Variants in NOL10 observed in about 807,000 individuals in gnomAD.
NOL10 encodes nucleolar protein 10.
Under a neutral mutation model 103.5 loss-of-function variants are expected in NOL10, and 58 were observed. That is an observed-to-expected ratio of 0.56 (90% CI 0.45 to 0.70). The LOEUF is 0.70. NOL10 is among the 30% of genes least tolerant of loss of function. The pLI is 0.00. For missense variants in NOL10, 763 were observed against 807.3 expected (o/e 0.95, Z 0.67); for synonymous variants, 287 against 282.5 (o/e 1.02, Z -0.16).
chr2:10,611,172 A>C (rs1572285813), intron 13 of NOL10, among the ~76,000 whole-genome samples: 1 of 152,274 alleles, frequency 6.6e-6, no homozygotes, highest in East Asian at 1.9e-4. Context: ...AGAAAGGGAT[A>C]ATGTGGCTCC....
intron 20 of NOL10, among the ~76,000 whole-genome samples, chr2:10,574,922 G>T (rs937358060): frequency 2.0e-5 from 3 of 152,216 alleles, no homozygotes; most frequent in Non-Finnish European, 4.4e-5. Context: ...AGTGACTATT[G>T]TTCTGCAGAC....
chr2:10,670,395 C>T (rs370317466), intron 6 of NOL10, among the ~76,000 whole-genome samples: 231 of 152,084 alleles, frequency 1.5e-3, no homozygotes, highest in Non-Finnish European at 1.8e-3. Flanking sequence ...AAATAAATTG[C>T]TAATACTAAT....
chr2:10,669,513 T>TATACAC (rs1426341857), intron 6 of NOL10, among the ~76,000 whole-genome samples: 6 of 132,916 alleles, frequency 4.5e-5, no homozygotes, highest in African/African-American at 1.6e-4. Flanking sequence ...CACACATATA[T>TATACAC]ACACACACAC....
chr2:10,643,803 T>C (rs1362182721), intron 13 of NOL10, among the ~76,000 whole-genome samples: 1 of 152,226 alleles, frequency 6.6e-6, no homozygotes, highest in Admixed American at 6.5e-5. Flanking sequence ...ATTTATAATG[T>C]CTGTTTTAAC....
chr2:10,602,718 A>G, intron 16 of NOL10, 58 bp downstream of exon 16: 2 of 1,074,572 alleles, frequency 1.9e-6, no homozygotes, highest in Non-Finnish European at 2.7e-6. Flanking sequence ...GGAATAATAC[A>G]CAAAATGGAA....
intron 14 of NOL10, among the ~76,000 whole-genome samples, chr2:10,603,669 A>C (rs962156975): frequency 1.3e-5 from 2 of 152,216 alleles, no homozygotes; most frequent in Non-Finnish European, 2.9e-5. Context: ...ATTAATACTC[A>C]TATCACATAT....
At chr2:10,622,130 G>A (rs768721357) in intron 13 of NOL10, 21 of 470,412 alleles carry the variant, frequency 4.5e-5, no homozygotes, top group Non-Finnish European at 7.9e-5. Context: ...TTAGAGAACT[G>A]GACAGCACTG....
intron 17 of NOL10, among the ~76,000 whole-genome samples, chr2:10,594,163 G>A (rs930201205): frequency 8.6e-5 from 13 of 151,976 alleles, no homozygotes; most frequent in East Asian, 1.9e-4. Flanking sequence ...CAGTCGCTTC[G>A]TGTCAGGTTT....
chr2:10,593,007 A>C (rs986265433), intron 17 of NOL10, among the ~76,000 whole-genome samples: 1 of 152,248 alleles, frequency 6.6e-6, no homozygotes, highest in Non-Finnish European at 1.5e-5. Flanking sequence ...ACATTAAAGT[A>C]CTATTCATAC....
intron 13 of NOL10, among the ~76,000 whole-genome samples, chr2:10,621,356 T>C (rs1166191564): frequency 1.3e-5 from 2 of 152,094 alleles, no homozygotes; most frequent in Non-Finnish European, 2.9e-5. Flanking sequence ...CACTTTGGGA[T>C]GGCAAAGCAG....
intron 3 of NOL10, among the ~76,000 whole-genome samples, chr2:10,680,193 C>A (rs1681638380): frequency 6.6e-6 from 1 of 151,950 alleles, no homozygotes; most frequent in Non-Finnish European, 1.5e-5. Context: ...AGGAGAATCG[C>A]TTGAACCCGG....
intron 8 of NOL10, among the ~76,000 whole-genome samples, chr2:10,665,900 T>C (rs1680536402): frequency 6.6e-6 from 1 of 152,204 alleles, no homozygotes; most frequent in African/African-American, 2.4e-5. Flanking sequence ...TTCAACTTCT[T>C]TGTTAGACTC....
intron 9 of NOL10, among the ~76,000 whole-genome samples, chr2:10,660,175 G>C (rs1237539261): frequency 7.9e-5 from 12 of 152,128 alleles, no homozygotes; most frequent in African/African-American, 2.9e-4. Flanking sequence ...CCTAGAGCTT[G>C]AGCCTGTAAC....
intron 13 of NOL10, among the ~76,000 whole-genome samples, chr2:10,629,126 C>T (rs550315619): frequency 6.7e-6 from 1 of 150,266 alleles, no homozygotes; most frequent in East Asian, 2.0e-4. Flanking sequence ...CCCCCACCAC[C>T]CCTCCACCTC....
intron 13 of NOL10, among the ~76,000 whole-genome samples, chr2:10,614,905 A>T (rs1176728923): frequency 6.6e-6 from 1 of 152,196 alleles, no homozygotes; most frequent in East Asian, 1.9e-4. Context: ...AAGAAAACCA[A>T]CTCTGCATAT....
intron 8 of NOL10, among the ~76,000 whole-genome samples, chr2:10,663,724 G>C (rs4574081): frequency 0.53 from 80,051 of 151,780 alleles, 21,489 homozygotes; most frequent in Middle Eastern, 0.64. Context: ...CCAAGATGGG[G>C]AGATCACGAG....
chr2:10,689,831 T>A lies in NOL10; in HGVS notation c.31A>T (p.Ile11Phe). 6.2e-7 allele frequency: 1 copy of A among 1,607,982 alleles called. No individual in the cohort carries two copies. The highest frequency in any genetic ancestry group is 8.5e-7 in the Non-Finnish European group (1 of 1,177,486). The change falls in exon 1 of 21, where the codon ATT (isoleucine) becomes TTT (phenylalanine). Residue 11 changes from isoleucine to phenylalanine, a missense_variant. Ile to Phe is a conservative substitution (Grantham distance 21). Coordinates refer to ENST00000381685, the MANE Select transcript of NOL10 (RefSeq NM_024894.4). MQVSSLNEVK[I>F]YSLSCGKSLP... Reference sequence around the variant, plus strand: ...GACTTGCCGCAGCTGAGGCTGTAAATCTTCACCTCATTGAGGCTGGAGACC... The same window carrying A: ...GACTTGCCGCAGCTGAGGCTGTAAAACTTCACCTCATTGAGGCTGGAGACC...
In NOL10 at chr2:10,587,262, T is replaced by C. The variant is rs868663914; in HGVS notation, c.1844+1781A>G. Reference sequence around the variant, plus strand: ...ATACATACATATATATATATACACATATATATATATATATTTTTTTTTTTT... The same window carrying C: ...ATACATACATATATATATATACACACATATATATATATATTTTTTTTTTTT... On this transcript the variant is annotated intron_variant, in intron 19 of 20. Coordinates refer to ENST00000381685, the MANE Select transcript of NOL10 (RefSeq NM_024894.4). 1.1e-3 allele frequency among the ~76,000 whole-genome samples: 35 copies of C among 33,090 alleles called. 8 individuals carry two copies. The highest frequency in any genetic ancestry group is 3.8e-3 in the African/African-American group (29 of 7,678). The allele number at this position is 33,090 out of a possible 152,430, so 21.7% of individuals were successfully genotyped here.
Position 10,634,755 on chromosome 2 carries a change from G to A in NOL10, c.1026+9565C>T, listed in dbSNP as rs1436991929. ...AAGTCTAGGACGTTATCAGCAGGAGGAGGAGCCAGTGAAGACTGAAAAGAG... is the reference window on the plus strand; with the variant it reads ...AAGTCTAGGACGTTATCAGCAGGAGAAGGAGCCAGTGAAGACTGAAAAGAG... On this transcript the variant is annotated intron_variant, in intron 13 of 20. Transcript: ENST00000381685. Among the ~76,000 whole-genome samples, 6 of 152,208 alleles carry A rather than the reference G, an allele frequency of 3.9e-5. No individual in the cohort carries two copies. In the East Asian group the frequency reaches 1.2e-3, roughly 29 times the overall value.
Sources: allele counts gnomAD v4.1 joint callset (sites outside exome capture counted in the v4.1 genomes callset), GRCh38; gene constraint gnomAD v4.1.1; transcripts MANE v1.5; gene names NCBI Gene and HGNC (gene_info 2026-07-23, HGNC 2026-07-21).